Variants in NCAM2 observed in about 807,000 individuals in gnomAD.
The protein encoded by NCAM2 is neural cell adhesion molecule 2.
NCAM2 carries 30 observed loss-of-function variants against 98.1 expected under a neutral mutation model. That is an observed-to-expected ratio of 0.31 (90% CI 0.23 to 0.41). NCAM2 has a LOEUF of 0.41. NCAM2 is among the 10% of genes least tolerant of loss of function. The pLI is 1.00. For synonymous variants in NCAM2, 368 were observed against 342.4 expected, an observed-to-expected ratio of 1.07 and a Z score of -0.83; for missense variants, 867 against 1,005.8, an observed-to-expected ratio of 0.86 and a Z score of 1.87.
chr21:21,024,391 GA>G lies in NCAM2; in HGVS notation c.55+25779del, dbSNP rs200526081. ...TGTTCTCCAAGAAATCCTGGGGGGG[GA>G]AAAAACAGAGAAAATTGAAGTATTT... On this transcript the variant is annotated intron_variant, in intron 1 of 17. Transcript: ENST00000400546. 1.6e-3 allele frequency among the ~76,000 whole-genome samples: 246 copies of G among 152,006 alleles called. 1 individual carries two copies. Among genetic ancestry groups the G allele is most frequent in the African/African-American group, 4.7e-3 (196 of 41,480 alleles).
At chr21:21,394,304 A>C (rs1286307519) in intron 9 of NCAM2, among the ~76,000 whole-genome samples, 1 of 152,002 alleles carries the variant, frequency 6.6e-6, no homozygotes, top group Non-Finnish European at 1.5e-5. Context: ...TCATTAATTG[A>C]ATTACCCTTT....
At chr21:21,268,610 T>A (rs1222273470) in intron 1 of NCAM2, among the ~76,000 whole-genome samples, 1 of 150,484 alleles carries the variant, frequency 6.6e-6, no homozygotes, top group Non-Finnish European at 1.5e-5. Flanking sequence ...AACCTCTCAC[T>A]GTTATTTTAT....
intron 16 of NCAM2, among the ~76,000 whole-genome samples, chr21:21,522,001 A>G (rs978845952): frequency 1.3e-5 from 2 of 149,250 alleles, no homozygotes; most frequent in African/African-American, 4.9e-5. Flanking sequence ...ATTAATGTGT[A>G]TATATCAATA....
At chr21:21,485,154 A>C (rs1285243116) in intron 15 of NCAM2, among the ~76,000 whole-genome samples, 1 of 152,090 alleles carries the variant, frequency 6.6e-6, no homozygotes, top group Admixed American at 6.6e-5. Context: ...CCTTTGTTGA[A>C]CCAAAATGTC....
chr21:21,395,392 T>C lies in NCAM2; in HGVS notation c.1196-14882T>C, dbSNP rs142039800. 5.7e-3 allele frequency among the ~76,000 whole-genome samples: 866 copies of C among 151,860 alleles called. 8 individuals carry two copies. The highest frequency in any genetic ancestry group is 0.02 in the African/African-American group (829 of 41,438). On this transcript the variant is annotated intron_variant, in intron 9 of 17. Transcript: ENST00000400546. ...TTAAATTAGGGAGATAGAACATACA[T>C]GGGTACATTAAAATGAAATATATCA...
At chr21:21,009,231 A>G (rs144011100) in intron 1 of NCAM2, among the ~76,000 whole-genome samples, 5 of 152,284 alleles carry the variant, frequency 3.3e-5, no homozygotes, top group African/African-American at 1.2e-4. Flanking sequence ...TTGCCTTTGT[A>G]TAATGATTTG....
intron 8 of NCAM2, among the ~76,000 whole-genome samples, chr21:21,366,709 A>C (rs979060221): frequency 1.3e-5 from 2 of 152,062 alleles, no homozygotes; most frequent in Non-Finnish European, 2.9e-5. Flanking sequence ...ATGATAAAAT[A>C]CAAAATGTAA....
chr21:21,024,508 T>C (rs2064501222), intron 1 of NCAM2, among the ~76,000 whole-genome samples: 3 of 152,214 alleles, frequency 2.0e-5, no homozygotes, highest in Admixed American at 6.5e-5. Flanking sequence ...ATGACTTCAA[T>C]TATCCACAGC....
At chr21:21,483,719 A>G (rs553676925) in intron 15 of NCAM2, among the ~76,000 whole-genome samples, 2 of 152,238 alleles carry the variant, frequency 1.3e-5, no homozygotes, top group East Asian at 1.9e-4. Context: ...CTAAATATTG[A>G]TACTACACCT....
intron 12 of NCAM2, among the ~76,000 whole-genome samples, chr21:21,458,687 G>A (rs1982517979): frequency 2.0e-5 from 3 of 152,172 alleles, no homozygotes. Context: ...AAATAAAATT[G>A]TGTTGTTTAT....
In NCAM2 at chr21:21,514,028, G is replaced by T. The variant is rs188554618; in HGVS notation, c.2282+4973G>T. The stretch of plus-strand genomic sequence containing the variant: ...TTGCCTTTCTTTTCCTTACTGTTAT[G>T]CAGGTGTGTTCTTTTATACAACATG... On this transcript the variant is annotated intron_variant, in intron 16 of 17. Coordinates refer to ENST00000400546, the MANE Select transcript of NCAM2 (RefSeq NM_004540.5). Among the ~76,000 whole-genome samples, 427 of 151,620 alleles carry T rather than the reference G, an allele frequency of 2.8e-3. 10 individuals carry two copies. The highest frequency in any genetic ancestry group is 0.027 in the Admixed American group (409 of 15,192).
At chr21:21,248,997 T>C (rs1381682661) in intron 1 of NCAM2, among the ~76,000 whole-genome samples, 5 of 152,118 alleles carry the variant, frequency 3.3e-5, no homozygotes, top group South Asian at 2.1e-4. Flanking sequence ...TATAAAAATA[T>C]CTTGAAGGTC....
At chr21:21,404,209 G>T (rs2076690453) in intron 9 of NCAM2, among the ~76,000 whole-genome samples, 1 of 152,104 alleles carries the variant, frequency 6.6e-6, no homozygotes, top group Admixed American at 6.6e-5. Flanking sequence ...CGTGTTTACT[G>T]TAGAGTGAAT....
intron 1 of NCAM2, among the ~76,000 whole-genome samples, chr21:21,214,489 A>G (rs781258824): frequency 6.6e-6 from 1 of 151,836 alleles, no homozygotes; most frequent in African/African-American, 2.4e-5. Flanking sequence ...CTTCTTACCA[A>G]TCCAAGTAAT....
chr21:21,395,675 A>G (rs145913801), intron 9 of NCAM2, among the ~76,000 whole-genome samples: 183 of 152,314 alleles, frequency 1.2e-3, no homozygotes, highest in African/African-American at 4.2e-3. Context: ...ACACAGTCCA[A>G]TGGAACAAAA....
intron 1 of NCAM2, among the ~76,000 whole-genome samples, chr21:21,241,055 A>C (rs972389817): frequency 1.3e-5 from 2 of 152,132 alleles, no homozygotes; most frequent in Non-Finnish European, 2.9e-5. Flanking sequence ...GATGGAAGCA[A>C]ACTATATATG....
At chr21:21,092,359 T>C (rs1259763590) in intron 1 of NCAM2, among the ~76,000 whole-genome samples, 1 of 151,998 alleles carries the variant, frequency 6.6e-6, no homozygotes. Context: ...TAAATTTAAA[T>C]ATTAAAAATA....
At chr21:21,060,091 C>T (rs1342789572) in intron 1 of NCAM2, among the ~76,000 whole-genome samples, 1 of 152,036 alleles carries the variant, frequency 6.6e-6, no homozygotes, top group African/African-American at 2.4e-5. Context: ...TGCGTTTGTA[C>T]ATGCTTGACA....
chr21:21,194,605 A>G (rs1336265212), intron 1 of NCAM2, among the ~76,000 whole-genome samples: 1 of 152,170 alleles, frequency 6.6e-6, no homozygotes, highest in African/African-American at 2.4e-5. Flanking sequence ...GGTATTAAAT[A>G]TGTACAAAAT....
Sources: allele counts gnomAD v4.1 joint callset (sites outside exome capture counted in the v4.1 genomes callset), GRCh38; gene constraint gnomAD v4.1.1; transcripts MANE v1.5; gene names NCBI Gene and HGNC (gene_info 2026-07-23, HGNC 2026-07-21).